Variants in ZNF559 observed in about 807,000 individuals in gnomAD.
ZNF559 encodes the protein putative protein product of Nbla00121.
In ZNF559, 17 loss-of-function variants were observed where a neutral mutation model predicts 14.2. The ratio of observed to expected loss-of-function variants is 1.20; its 90% CI spans 0.82 to 1.80. The LOEUF is 1.80. ZNF559 is among the 40% of genes most tolerant of loss of function. The pLI, the probability that ZNF559 is intolerant of heterozygous loss-of-function variation, is 0.00. For missense variants in ZNF559, 740 were observed against 629.7 expected (o/e 1.18, Z -1.88); for synonymous variants, 244 against 212.4 (o/e 1.15, Z -1.29).
At position 9,341,775 on chromosome 19, in the gene ZNF559, TCA is replaced by T; in HGVS notation, c.327_328del (p.His109GlnfsTer6). 6.2e-7 allele frequency: 1 copy of T among 1,606,292 alleles called. No homozygotes were observed. Among genetic ancestry groups the T allele is most frequent in the East Asian group, 2.2e-5 (1 of 44,814 alleles). ...TGAGTGAACACTCATGCCTTAAGAC[TCA>T]CAGGAGAACTTACTTTAGAAAGAAA... ...ALSEHSCLKT[H>X]RRTYFRKKTC... On this transcript the variant is annotated frameshift_variant, in exon 7 of 7. Coordinates refer to ENST00000603380, the MANE Select transcript of ZNF559 (RefSeq NM_032497.3). LOFTEE classifies it low-confidence loss of function (END_TRUNC).
chr19:9,330,366 G>A (rs995081514), intron 2 of ZNF559, among the ~76,000 whole-genome samples: 2 of 152,090 alleles, frequency 1.3e-5, no homozygotes, highest in African/African-American at 4.8e-5. Flanking sequence ...TGTCTCCCTA[G>A]ATGTGGAAAA....
Position 9,343,420 on chromosome 19 carries a change from C to T in ZNF559, c.*352C>T, listed in dbSNP as rs75534465. On this transcript the variant is annotated 3_prime_UTR_variant, in exon 7 of 7. Transcript: ENST00000603380. ...GTGGAAAAGCTTTCATTATTTTCCT[C>T]GGGCCTTACTGAGCTTGTGAGCACA... 12,118 of 1,082,578 alleles carry T rather than the reference C, an allele frequency of 0.011. 100 individuals are homozygous for T. Among genetic ancestry groups the T allele is most frequent in the African/African-American group, 0.04 (2,462 of 61,126 alleles). 67.1% of individuals were successfully genotyped at this position (1,082,578 alleles called of 1,614,324 possible).
At chr19:9,337,455 C>G (rs1188751166) in intron 2 of ZNF559, among the ~76,000 whole-genome samples, 2 of 152,266 alleles carry the variant, frequency 1.3e-5, no homozygotes, top group Non-Finnish European at 1.5e-5. Flanking sequence ...TTGGGCAACC[C>G]AGGCCTGTTG....
intron 2 of ZNF559, among the ~76,000 whole-genome samples, chr19:9,326,952 A>G (rs147590953): frequency 4.3e-4 from 66 of 152,290 alleles, no homozygotes; most frequent in Non-Finnish European, 8.8e-4. Context: ...TAAAATTAAG[A>G]ATTCATTTCC....
intron 2 of ZNF559, among the ~76,000 whole-genome samples, chr19:9,327,208 C>T (rs1431515479): frequency 2.0e-5 from 3 of 151,912 alleles, no homozygotes; most frequent in Non-Finnish European, 4.4e-5. Context: ...AACAGCCTTT[C>T]ACCCAGTGGT....
At chr19:9,337,691 C>T in intron 2 of ZNF559, 105 bp from the exon 3 acceptor site, 1 of 750,122 alleles carries the variant, frequency 1.3e-6, no homozygotes, top group South Asian at 2.3e-5. Flanking sequence ...TATCCTACCA[C>T]TGTTTCTGGC....
At chr19:9,330,744 A>G (rs2066893943) in intron 2 of ZNF559, among the ~76,000 whole-genome samples, 3 of 152,198 alleles carry the variant, frequency 2.0e-5, no homozygotes, top group South Asian at 4.2e-4. Flanking sequence ...CATTTAACTC[A>G]CTGATCTTTA....
At position 9,343,422 on chromosome 19, in the gene ZNF559, G is replaced by C; in HGVS notation, c.*354G>C. Reference sequence around the variant, plus strand: ...GGAAAAGCTTTCATTATTTTCCTCGGGCCTTACTGAGCTTGTGAGCACATT... The same window carrying C: ...GGAAAAGCTTTCATTATTTTCCTCGCGCCTTACTGAGCTTGTGAGCACATT... On this transcript the variant is annotated 3_prime_UTR_variant, in exon 7 of 7. Coordinates refer to ENST00000603380, the MANE Select transcript of ZNF559 (RefSeq NM_032497.3). 1 of 1,080,314 alleles carries C rather than the reference G, an allele frequency of 9.3e-7. No homozygotes were observed. The highest frequency in any genetic ancestry group is 1.6e-5 in the African/African-American group (1 of 60,994). The allele number at this position is 1,080,314 out of a possible 1,614,324, so 66.9% of individuals were successfully genotyped here.
At chr19:9,334,907 G>C (rs1050703024) in intron 2 of ZNF559, among the ~76,000 whole-genome samples, 1 of 151,934 alleles carries the variant, frequency 6.6e-6, no homozygotes, top group African/African-American at 2.4e-5. Context: ...GGCTGAGGCC[G>C]GCGGATCACG....
In ZNF559 at chr19:9,338,069, C is replaced by T. The variant is rs115440392; in HGVS notation, c.-57+211C>T. ...GACGCTGCTTTAACCAGTCTGTGAA[C>T]AGCTTGTCTTGTGATTAGGGTTTAG... is the stretch of plus-strand genomic sequence containing the variant. On this transcript the variant is annotated intron_variant, in intron 3 of 6. Coordinates refer to ENST00000603380, the MANE Select transcript of ZNF559 (RefSeq NM_032497.3). 1.5e-3 allele frequency: 2,265 copies of T among 1,484,040 alleles called. 27 individuals are homozygous for T. In the African/African-American group the frequency reaches 0.027, roughly 18 times the overall value. The allele number at this position is 1,484,040 out of a possible 1,614,324, so 91.9% of individuals were successfully genotyped here.
intron 2 of ZNF559, among the ~76,000 whole-genome samples, chr19:9,328,624 C>T (rs564523044): frequency 6.8e-4 from 104 of 152,178 alleles, no homozygotes; most frequent in African/African-American, 2.5e-3. Context: ...ATCCACCTGC[C>T]TCAGCCTCCT....
At chr19:9,334,469 T>G (rs989799942) in intron 2 of ZNF559, among the ~76,000 whole-genome samples, 5 of 152,184 alleles carry the variant, frequency 3.3e-5, no homozygotes, top group Non-Finnish European at 4.4e-5. Flanking sequence ...CTCATAAACA[T>G]AATGTTGAAT....
intron 2 of ZNF559, among the ~76,000 whole-genome samples, chr19:9,332,025 A>G (rs1190005344): frequency 1.3e-5 from 2 of 152,158 alleles, no homozygotes; most frequent in African/African-American, 2.4e-5. Flanking sequence ...TTATCTTTCA[A>G]TATGGTTTTG....
chr19:9,334,663 C>CT (rs1384677285), intron 2 of ZNF559, among the ~76,000 whole-genome samples: 1 of 152,126 alleles, frequency 6.6e-6, no homozygotes, highest in Admixed American at 6.5e-5. Flanking sequence ...TAATTCTACT[C>CT]TTTTGTGAAT....
chr19:9,343,621 T>G lies in ZNF559; in HGVS notation c.*553T>G. 3.0e-6 allele frequency: 3 copies of G among 990,148 alleles called. No individual in the cohort carries two copies. Among genetic ancestry groups the G allele is most frequent in the Non-Finnish European group, 3.6e-6 (3 of 832,542 alleles). 61.3% of individuals were successfully genotyped at this position (990,148 alleles called of 1,614,324 possible). On this transcript the variant is annotated 3_prime_UTR_variant, in exon 7 of 7. Transcript: ENST00000603380. ...CTTTGGGAACATGTCAAAGCACACATTGAGAAGTCCCATGAGTGAAAGAGA... is the reference window on the plus strand; with the variant it reads ...CTTTGGGAACATGTCAAAGCACACAGTGAGAAGTCCCATGAGTGAAAGAGA...
At position 9,343,871 on chromosome 19, in the gene ZNF559, C is replaced by T. The variant is rs192386626; in HGVS notation, c.*803C>T. The T allele has an allele frequency of 1.1e-4, 97 of 914,930 alleles. No homozygotes were observed. Among genetic ancestry groups the T allele is most frequent in the Middle Eastern group, 5.6e-4 (1 of 1,800 alleles). The allele number at this position is 914,930 out of a possible 1,614,324, so 56.7% of individuals were successfully genotyped here. A position where few individuals can be genotyped will look rare whatever the true frequency, so the allele number is the denominator to read the frequency against. Reference sequence around the variant, plus strand: ...GATCCTGAGTTATCTCAATTGTTCACGGTTACAGATGGAACTCTTTATTAT... The same window carrying T: ...GATCCTGAGTTATCTCAATTGTTCATGGTTACAGATGGAACTCTTTATTAT... On this transcript the variant is annotated 3_prime_UTR_variant, in exon 7 of 7. Coordinates refer to ENST00000603380, the MANE Select transcript of ZNF559 (RefSeq NM_032497.3).
rs1416925261 is a variant in ZNF559 at position 9,344,759 on chromosome 19, A to G, written c.*1691A>G. The G allele has an allele frequency of 1.1e-4, 17 of 152,210 alleles. No individual in the cohort carries two copies. Among genetic ancestry groups the G allele is most frequent in the African/African-American group, 4.1e-4 (17 of 41,454 alleles). The allele number at this position is 152,210 out of a possible 1,614,324, so 9.4% of individuals were successfully genotyped here. On this transcript the variant is annotated 3_prime_UTR_variant, in exon 7 of 7. Coordinates refer to ENST00000603380, the MANE Select transcript of ZNF559 (RefSeq NM_032497.3). Reference sequence around the variant, plus strand: ...TATTGAACATCACTTTCATATGCTTATGAGTCTTTGGTGAAGTGTACATTT... The same window carrying G: ...TATTGAACATCACTTTCATATGCTTGTGAGTCTTTGGTGAAGTGTACATTT...
In ZNF559 at chr19:9,341,845, T is replaced by A. The variant is rs757217794; in HGVS notation, c.394T>A (p.Ser132Thr). Reference sequence around the variant, plus strand: ...ATGTGAAAAAGCCTTCAGAAAACCCTCTATCTTTACTTTACACAAGAAAAC... The same window carrying A: ...ATGTGAAAAAGCCTTCAGAAAACCCACTATCTTTACTTTACACAAGAAAAC... ...NQCEKAFRKP[S>T]IFTLHKKTDI... Residue 132 changes from serine to threonine, a missense_variant, in exon 7 of 7, where the codon TCT (serine) becomes ACT (threonine). Ser to Thr is a moderately conservative substitution (Grantham distance 58). Transcript: ENST00000603380. The A allele has an allele frequency of 3.1e-6, 5 of 1,610,206 alleles. No homozygotes were observed. In the African/African-American group the frequency reaches 6.7e-5, roughly 22 times the overall value.
chr19:9,331,757 G>A (rs1446097163), intron 2 of ZNF559, among the ~76,000 whole-genome samples: 5 of 152,110 alleles, frequency 3.3e-5, no homozygotes, highest in Admixed American at 2.6e-4. Context: ...AAGGTATTTT[G>A]GTTCCAGTAT....
Sources: allele counts gnomAD v4.1 joint callset (sites outside exome capture counted in the v4.1 genomes callset), GRCh38; gene constraint gnomAD v4.1.1; transcripts MANE v1.5; gene names NCBI Gene and HGNC (gene_info 2026-07-23, HGNC 2026-07-21).